Variants in TRIQK observed in about 807,000 individuals in gnomAD.
The protein encoded by TRIQK is triple QxxK/R motif containing, also known as triple QxxK/R motif-containing protein.
A neutral mutation model predicts 10.8 loss-of-function variants in TRIQK; 10 were observed. The observed-to-expected ratio is 0.92, with a 90% CI of 0.57 to 1.57. The LOEUF (loss-of-function observed/expected upper bound fraction) is 1.57. Ranked by LOEUF, TRIQK falls within the 40% of genes most tolerant of loss-of-function variation. The pLI is 0.00. For synonymous variants in TRIQK, 33 were observed against 33.7 expected (o/e 0.98, Z 0.07); for missense variants, 107 against 97.7 (o/e 1.09, Z -0.40).
At chr8:92,939,097 CTT>C (rs1811142047) in intron 2 of TRIQK, among the ~76,000 whole-genome samples, 1 of 152,088 alleles carries the variant, frequency 6.6e-6, no homozygotes, top group South Asian at 2.1e-4. Context: ...TTATTTTACT[CTT>C]TTAAAACAAT....
At chr8:92,892,118 A>T (rs1050949935) in intron 3 of TRIQK, 44 bp from the exon 4 acceptor site, 1 of 1,279,320 alleles carries the variant, frequency 7.8e-7, no homozygotes, top group African/African-American at 1.5e-5. Flanking sequence ...CTCATATATA[A>T]TTAAGTTTAA....
intron 3 of TRIQK, among the ~76,000 whole-genome samples, chr8:92,902,253 C>A (rs545329880): frequency 6.6e-6 from 1 of 152,024 alleles, no homozygotes; most frequent in South Asian, 2.1e-4. Context: ...AACTCAGGTT[C>A]GTACCACCAG....
chr8:92,971,944 C>T (rs1812880965), intron 1 of TRIQK, among the ~76,000 whole-genome samples: 1 of 152,098 alleles, frequency 6.6e-6, no homozygotes, highest in Admixed American at 6.5e-5. Flanking sequence ...TTTTGAAGGT[C>T]TGTTACTAGG....
intron 2 of TRIQK, chr8:92,953,738 T>A (rs1043705218): frequency 6.6e-6 from 1 of 152,024 alleles, no homozygotes; most frequent in Admixed American, 6.6e-5. Context: ...AAGGTTCAAG[T>A]ACTGTAGAGA....
At chr8:92,915,413 C>CTGTAGTAATCAT (rs899291072) in intron 3 of TRIQK, among the ~76,000 whole-genome samples, 4 of 151,952 alleles carry the variant, frequency 2.6e-5, no homozygotes, top group African/African-American at 7.3e-5. Context: ...ATTGGTTTGA[C>CTGTAGTAATCAT]TGTAGTAATC....
At chr8:92,957,305 A>G (rs754976581) in intron 1 of TRIQK, among the ~76,000 whole-genome samples, 11 of 151,836 alleles carry the variant, frequency 7.2e-5, no homozygotes, top group Non-Finnish European at 1.3e-4. Flanking sequence ...AAATTAATGT[A>G]TGTACATAAA....
chr8:92,977,100 T>C (rs1269016352), intron 1 of TRIQK, among the ~76,000 whole-genome samples: 2 of 152,030 alleles, frequency 1.3e-5, no homozygotes, highest in Non-Finnish European at 2.9e-5. Flanking sequence ...TGTGGATCCA[T>C]GTTGCCATCT....
chr8:93,017,149 G>T, intron 1 of TRIQK, among the ~76,000 whole-genome samples: 1 of 104,876 alleles, frequency 9.5e-6, no homozygotes, highest in Non-Finnish European at 2.0e-5. Context: ...GAGAGAGAGA[G>T]AGAGAGAGAG....
chr8:92,901,060 A>T (rs952661511), intron 3 of TRIQK, among the ~76,000 whole-genome samples: 3 of 152,016 alleles, frequency 2.0e-5, no homozygotes, highest in Non-Finnish European at 4.4e-5. Context: ...TCATATGGAA[A>T]TCCTACTGAT....
intron 3 of TRIQK, among the ~76,000 whole-genome samples, chr8:92,915,735 G>C (rs1809801475): frequency 6.8e-6 from 1 of 147,508 alleles, no homozygotes; most frequent in Non-Finnish European, 1.5e-5. Flanking sequence ...TCCTGACCTT[G>C]TGATCCACCT....
chr8:92,911,081 C>G (rs1211364597), intron 3 of TRIQK, among the ~76,000 whole-genome samples: 2 of 151,066 alleles, frequency 1.3e-5, no homozygotes, highest in Non-Finnish European at 3.0e-5. Context: ...ATATCATACA[C>G]AAAACACTGT....
chr8:92,978,861 T>C (rs1812957556), intron 1 of TRIQK, among the ~76,000 whole-genome samples: 1 of 152,104 alleles, frequency 6.6e-6, no homozygotes, highest in Non-Finnish European at 1.5e-5. Context: ...GCTGCGAAAA[T>C]CACTGAAGTT....
Position 92,966,044 on chromosome 8 carries a change from T to C in TRIQK, c.-218A>G. On this transcript the variant is annotated 5_prime_UTR_variant, in exon 1 of 5. Coordinates refer to ENST00000521988, the MANE Select transcript of TRIQK (RefSeq NM_001171797.2). ...AAGGCAAGGGCCGACAAACTTCGTG[T>C]CCTGTGGGAAATGTTGCTGTCCACG... is the stretch of plus-strand genomic sequence containing the variant. 6.5e-6 allele frequency: 1 copy of C among 152,788 alleles called. No individual in the cohort carries two copies. Among genetic ancestry groups the C allele is most frequent in the Non-Finnish European group, 1.5e-5 (1 of 68,394 alleles). The allele number at this position is 152,788 out of a possible 1,614,324, so 9.5% of individuals were successfully genotyped here.
At position 92,900,567 on chromosome 8, in the gene TRIQK, T is replaced by C. The variant is rs144606992; in HGVS notation, c.62-8493A>G. ...CTCACTGTAGATGTAAGAATTTGTT[T>C]CTGAGTTCTCTATTCTATTCCATTG... On this transcript the variant is annotated intron_variant, in intron 3 of 4. Transcript: ENST00000521988. 3.5e-3 allele frequency among the ~76,000 whole-genome samples: 536 copies of C among 152,272 alleles called. 4 individuals carry two copies. The highest frequency in any genetic ancestry group is 0.02 in the Middle Eastern group (6 of 294).
intron 1 of TRIQK, among the ~76,000 whole-genome samples, chr8:92,957,463 A>C (rs1447343146): frequency 2.0e-5 from 3 of 151,836 alleles, no homozygotes; most frequent in African/African-American, 7.2e-5. Context: ...CTGAGTAACT[A>C]TTTTCATTAT....
intron 3 of TRIQK, among the ~76,000 whole-genome samples, chr8:92,909,802 A>G (rs1328099562): frequency 1.3e-5 from 2 of 151,728 alleles, no homozygotes; most frequent in Non-Finnish European, 3.0e-5. Flanking sequence ...TGAGTTTGCA[A>G]TTAGTACTCA....
intron 1 of TRIQK, chr8:92,963,402 G>A (rs1812554804): frequency 6.6e-6 from 1 of 151,356 alleles, no homozygotes; most frequent in South Asian, 2.1e-4. Flanking sequence ...AAGAGCCACA[G>A]TGAAAACAAC....
chr8:92,891,923 A>C, intron 4 of TRIQK, 66 bp downstream of exon 4: 1 of 1,099,988 alleles, frequency 9.1e-7, no homozygotes, highest in Non-Finnish European at 1.3e-6. Flanking sequence ...CATTTATGCA[A>C]TCCAGTTTTA....
At chr8:92,986,235 C>G (rs927116666) in intron 1 of TRIQK, among the ~76,000 whole-genome samples, 1 of 150,926 alleles carries the variant, frequency 6.6e-6, no homozygotes, top group Admixed American at 6.6e-5. Context: ...TTTTTTTTTG[C>G]AAGTTCTTGA....
Sources: gnomAD v4.1 joint callset for allele counts (sites outside exome capture counted in the v4.1 genomes callset) on GRCh38, gnomAD v4.1.1 for gene constraint, MANE v1.5 for transcripts, NCBI Gene and HGNC (gene_info 2026-07-23, HGNC 2026-07-21) for gene names.